The following VPS54 variants were observed in gnomAD, a reference collection of about 807,000 sequenced individuals.
VPS54 encodes the protein VPS54 subunit of GARP complex.
In VPS54, 45 loss-of-function variants were observed where a neutral mutation model predicts 121.5. The observed-to-expected ratio is 0.37, with a 90% CI of 0.29 to 0.47. The LOEUF (loss-of-function observed/expected upper bound fraction) is 0.47. Ranked by LOEUF, VPS54 falls within the 20% of genes least tolerant of loss-of-function variation. The pLI is 0.99. For missense variants in VPS54, 1,090 were observed against 1,131.4 expected, an observed-to-expected ratio of 0.96 and a Z score of 0.52; for synonymous variants, 371 against 385.8, an observed-to-expected ratio of 0.96 and a Z score of 0.45.
At chr2:63,946,888 A>G (rs930085540) in intron 9 of VPS54, among the ~76,000 whole-genome samples, 3 of 152,096 alleles carry the variant, frequency 2.0e-5, no homozygotes, top group African/African-American at 7.2e-5. Flanking sequence ...TCTCTAACCA[A>G]TACTTCTAGG....
At chr2:63,912,085 G>A (rs1295663904) in intron 20 of VPS54, among the ~76,000 whole-genome samples, 1 of 151,988 alleles carries the variant, frequency 6.6e-6, no homozygotes, top group African/African-American at 2.4e-5. Flanking sequence ...CAACTGTTTT[G>A]GAAATCCGAA....
chr2:63,927,123 A>T (rs760982798), intron 12 of VPS54, among the ~76,000 whole-genome samples: 10 of 152,138 alleles, frequency 6.6e-5, no homozygotes, highest in African/African-American at 2.4e-4. Context: ...AGACTTAAAC[A>T]TCCCTGCCTG....
intron 2 of VPS54, among the ~76,000 whole-genome samples, chr2:63,982,163 G>A (rs1484218035): frequency 6.6e-6 from 1 of 151,878 alleles, no homozygotes; most frequent in Non-Finnish European, 1.5e-5. Context: ...AGTCTTTCAT[G>A]AACTCCTTTC....
At chr2:63,931,173 C>T (rs570087031) in intron 12 of VPS54, among the ~76,000 whole-genome samples, 215 of 151,566 alleles carry the variant, frequency 1.4e-3, no homozygotes, top group African/African-American at 5.1e-3. Flanking sequence ...ACTAATGGAA[C>T]CAAAAAAGAG....
chr2:63,926,917 G>C (rs542846342), intron 12 of VPS54, among the ~76,000 whole-genome samples: 1 of 152,306 alleles, frequency 6.6e-6, no homozygotes, highest in East Asian at 1.9e-4. Context: ...CCTGGGATGT[G>C]AGAGCTTGGT....
At chr2:64,001,533 G>T (rs1045213253) in intron 1 of VPS54, among the ~76,000 whole-genome samples, 2 of 152,148 alleles carry the variant, frequency 1.3e-5, no homozygotes, top group African/African-American at 4.8e-5. Context: ...GTACTACGTG[G>T]TTATCACTGC....
intron 1 of VPS54, among the ~76,000 whole-genome samples, chr2:64,003,802 A>C (rs1178469590): frequency 6.6e-6 from 1 of 152,196 alleles, no homozygotes; most frequent in Non-Finnish European, 1.5e-5. Context: ...TTCAGTTAAA[A>C]ACTTCTTTTG....
At chr2:63,997,343 C>G (rs1366833871) in intron 1 of VPS54, among the ~76,000 whole-genome samples, 2 of 152,156 alleles carry the variant, frequency 1.3e-5, no homozygotes, top group Non-Finnish European at 2.9e-5. Context: ...GGACTTTTTA[C>G]TGGGAGACTT....
At chr2:63,959,815 G>A (rs1675670049) in intron 7 of VPS54, among the ~76,000 whole-genome samples, 1 of 152,128 alleles carries the variant, frequency 6.6e-6, no homozygotes, top group African/African-American at 2.4e-5. Context: ...GAGGTCAGGA[G>A]TTCGAGACCA....
intron 1 of VPS54, among the ~76,000 whole-genome samples, chr2:63,999,381 A>G (rs768361163): frequency 1.3e-5 from 2 of 152,180 alleles, no homozygotes; most frequent in Non-Finnish European, 2.9e-5. Context: ...TCTAAGGTAA[A>G]AGGTTTTTTC....
At chr2:63,985,877 G>A (rs1473037432) in intron 1 of VPS54, among the ~76,000 whole-genome samples, 1 of 152,090 alleles carries the variant, frequency 6.6e-6, no homozygotes, top group Non-Finnish European at 1.5e-5. Context: ...GGTTGTTTCT[G>A]TATAAAAGTT....
intron 1 of VPS54, among the ~76,000 whole-genome samples, chr2:63,996,170 C>T (rs1179038295): frequency 6.6e-6 from 1 of 152,200 alleles, no homozygotes; most frequent in East Asian, 1.9e-4. Flanking sequence ...GAGGGACCGG[C>T]TGAAGCCATG....
intron 7 of VPS54, among the ~76,000 whole-genome samples, chr2:63,952,514 A>G (rs1047995294): frequency 6.6e-6 from 1 of 152,230 alleles, no homozygotes; most frequent in African/African-American, 2.4e-5. Context: ...AAGAAAGATG[A>G]GATATAACAC....
chr2:63,928,836 CA>C (rs1383479805), intron 12 of VPS54, among the ~76,000 whole-genome samples: 783 of 64,226 alleles, frequency 0.012, 5 homozygotes, highest in African/African-American at 0.022. Flanking sequence ...AAATGGAAAG[CA>C]AAAAAAAAAA....
chr2:63,932,029 G>A (rs927299010), intron 12 of VPS54, among the ~76,000 whole-genome samples: 2 of 152,192 alleles, frequency 1.3e-5, no homozygotes, highest in African/African-American at 4.8e-5. Flanking sequence ...AGGATGTGGA[G>A]AAATAGAAAT....
At chr2:64,001,215 G>A (rs1054870348) in intron 1 of VPS54, among the ~76,000 whole-genome samples, 3 of 152,022 alleles carry the variant, frequency 2.0e-5, no homozygotes, top group African/African-American at 7.2e-5. Flanking sequence ...AAGATACAAG[G>A]GCTCTTCAGT....
At chr2:64,011,601 G>A (rs1678436125) in intron 1 of VPS54, among the ~76,000 whole-genome samples, 1 of 151,986 alleles carries the variant, frequency 6.6e-6, no homozygotes, top group African/African-American at 2.4e-5. Flanking sequence ...TCACAGGCCT[G>A]GAATATGAAT....
At chr2:63,986,096 C>A (rs1025870411) in intron 1 of VPS54, among the ~76,000 whole-genome samples, 5 of 152,140 alleles carry the variant, frequency 3.3e-5, no homozygotes, top group Non-Finnish European at 5.9e-5. Context: ...TTTGTGAGTA[C>A]ACAGTAGGTA....
intron 3 of VPS54, among the ~76,000 whole-genome samples, chr2:63,974,183 G>C (rs781354301): frequency 6.6e-6 from 1 of 152,194 alleles, no homozygotes; most frequent in Non-Finnish European, 1.5e-5. Flanking sequence ...ATGTATAGTT[G>C]TTTCAGTACC....
Sources: gnomAD v4.1 joint callset for allele counts (sites outside exome capture counted in the v4.1 genomes callset) on GRCh38, gnomAD v4.1.1 for gene constraint, MANE v1.5 for transcripts, NCBI Gene and HGNC (gene_info 2026-07-23, HGNC 2026-07-21) for gene names.